The following GNL1 variants were observed in gnomAD, a reference collection of about 807,000 sequenced individuals.
GNL1 encodes G protein nucleolar 1, also known as guanine nucleotide-binding protein-like 1.
Under a neutral mutation model 75.2 loss-of-function variants are expected in GNL1, and 21 were observed. The ratio of observed to expected loss-of-function variants is 0.28; its 90% CI spans 0.20 to 0.40. The LOEUF is 0.40. Among genes scored for constraint, GNL1 ranks in the 10% least tolerant of loss-of-function variants. The probability of loss-of-function intolerance (pLI) is 1.00; values close to 1 mark genes in which losing one functional copy is unlikely to be tolerated. For synonymous variants in GNL1, 287 were observed against 303.4 expected (o/e 0.95, Z 0.56); for missense variants, 579 against 775.0 (o/e 0.75, Z 3.00).
chr6:30,543,343 A>T lies in GNL1; in HGVS notation c.*2729T>A. ...CTGTACCACCCTTCTCCCAGAACTTATCACACTTTTTTTTTGTAATTGTGT... is the reference window on the plus strand; with the variant it reads ...CTGTACCACCCTTCTCCCAGAACTTTTCACACTTTTTTTTTGTAATTGTGT... On this transcript the variant is annotated 3_prime_UTR_variant, in exon 12 of 12. Coordinates refer to ENST00000376621, the MANE Select transcript of GNL1 (RefSeq NM_005275.5). 6.6e-6 allele frequency: 1 copy of T among 152,138 alleles called. No homozygotes were observed. Among genetic ancestry groups the T allele is most frequent in the East Asian group, 1.9e-4 (1 of 5,202 alleles). The allele number at this position is 152,138 out of a possible 1,614,324, so 9.4% of individuals were successfully genotyped here. A position where few individuals can be genotyped will look rare whatever the true frequency, so the allele number is the denominator to read the frequency against.
In GNL1 at chr6:30,552,361, C is replaced by CGT. The variant is rs1019914747; in HGVS notation, c.1099+105_1099+106insAC. The CGT allele has an allele frequency of 2.2e-6, 2 of 927,642 alleles. No homozygotes were observed. Among genetic ancestry groups the CGT allele is most frequent in the African/African-American group, 3.3e-5 (2 of 60,528 alleles). The allele number at this position is 927,642 out of a possible 1,614,324, so 57.5% of individuals were successfully genotyped here. On this transcript the variant is annotated intron_variant, in intron 8 of 11. Coordinates refer to ENST00000376621, the MANE Select transcript of GNL1 (RefSeq NM_005275.5). The surrounding 1 kb of genome is among the most constrained non-coding windows in gnomAD (Gnocchi z 4.5). ...ACCGCCACTGGCAGAGATCACCCCT[C>CGT]AGACACCCTGGGGCCTAATGAGACC...
Position 30,555,169 on chromosome 6 carries a change from C to T in GNL1, c.262G>A (p.Asp88Asn). The T allele has an allele frequency of 6.2e-7, 1 of 1,613,048 alleles. No individual in the cohort carries two copies. The highest frequency in any genetic ancestry group is 1.1e-5 in the South Asian group (1 of 91,082). The change falls in exon 3 of 12, where the codon GAC (aspartate) becomes AAC (asparagine). Residue 88 changes from aspartate (D) to asparagine (N), a missense_variant. Transcript: ENST00000376621. The surrounding 1 kb of genome is among the most constrained non-coding windows in gnomAD (Gnocchi z 4.3). ...CTCCTCTCTACCTCCTCCCTGCTGT[C>T]TCTCTCAAAATGCAGTCGGTATCTA... is the stretch of plus-strand genomic sequence containing the variant. ...PNRYRLHFER[D>N]SREEVERRKR... is the part of the protein sequence containing the mutation.
At position 30,555,929 on chromosome 6, in the gene GNL1, G is replaced by A. The variant is rs1582520274; in HGVS notation, c.73+202C>T. On this transcript the variant is annotated intron_variant, in intron 1 of 11. Transcript: ENST00000376621. The surrounding 1 kb of genome is among the most constrained non-coding windows in gnomAD (Gnocchi z 4.3). ...GGACGGCGCCCCGTGCTAGCTGGAG[G>A]GATTCCCCTCCCCCAACTCTCCATC... The A allele has an allele frequency of 7.5e-6, 6 of 803,094 alleles. No individual in the cohort carries two copies. Among genetic ancestry groups the A allele is most frequent in the South Asian group, 1.7e-5 (1 of 59,270 alleles). 49.7% of individuals were successfully genotyped at this position (803,094 alleles called of 1,614,324 possible).
Position 30,555,573 on chromosome 6 carries a change from C to T in GNL1, c.221G>A (p.Arg74Gln). The T allele has an allele frequency of 6.2e-7, 1 of 1,613,742 alleles. No individual in the cohort carries two copies. The highest frequency in any genetic ancestry group is 8.5e-7 in the Non-Finnish European group (1 of 1,179,884). The change falls in exon 2 of 12, where the codon CGA becomes CAA. Residue 74 changes from arginine (R) to glutamine (Q), a missense_variant. Physicochemically the swap from Arg to Gln is conservative, Grantham distance 43. Transcript: ENST00000376621. This position sits in a 1 kb window ranked among gnomAD's most constrained non-coding sequence, Gnocchi z 4.3. ...NQQPSQGLGP[R>Q]GYDPNRYRLH... ...CCCTCACCGATTTGGGTCGTAGCCT[C>T]GTGGACCCAGCCCCTGAGAAGGCTG...
At position 30,555,725 on chromosome 6, in the gene GNL1, G is replaced by A. The variant is rs373651955; in HGVS notation, c.74-5C>T. 7 of 1,612,800 alleles carry A rather than the reference G, an allele frequency of 4.3e-6. No homozygotes were observed. The highest frequency in any genetic ancestry group is 2.5e-6 in the Non-Finnish European group (3 of 1,179,712). On this transcript the variant is annotated splice_region_variant and splice_polypyrimidine_tract_variant and intron_variant, in intron 1 of 11. Coordinates refer to ENST00000376621, the MANE Select transcript of GNL1 (RefSeq NM_005275.5). This position sits in a 1 kb window ranked among gnomAD's most constrained non-coding sequence, Gnocchi z 4.3. Reference sequence around the variant, plus strand: ...AGCGCAGCCCATCTTGAAGCCCTGCGGGGAGGGGCCGGTGACGCCAGTGCT... The same window carrying A: ...AGCGCAGCCCATCTTGAAGCCCTGCAGGGAGGGGCCGGTGACGCCAGTGCT...
chr6:30,546,098 C>G lies in GNL1; in HGVS notation c.1798G>C (p.Ala600Pro). Reference sequence around the variant, plus strand: ...CAGCACTCATCCTCACCCAGCAGGGCATAAGGGTTTCGGCCAGCCAGGCTG... The same window carrying G: ...CAGCACTCATCCTCACCCAGCAGGGGATAAGGGTTTCGGCCAGCCAGGCTG... The part of the protein sequence containing the change: ...GSSLAGRNPY[A>P]LLGEDEC The change falls in exon 12 of 12, where the codon GCC (alanine) becomes CCC (proline). Residue 600 changes from alanine (A) to proline (P), a missense_variant. Physicochemically the swap from Ala to Pro is conservative, Grantham distance 27. Transcript: ENST00000376621. This position sits in a 1 kb window ranked among gnomAD's most constrained non-coding sequence, Gnocchi z 5.1. The G allele has an allele frequency of 2.5e-6, 4 of 1,586,838 alleles. No homozygotes were observed. The South Asian group carries it at 4.6e-5, about 18-fold the overall frequency.
In GNL1 at chr6:30,553,152, C is replaced by T; in HGVS notation, c.836G>A (p.Arg279Lys). The change falls in exon 7 of 12, where the codon AGA becomes AAA. Residue 279 changes from arginine to lysine, a missense_variant. Arg to Lys is a conservative substitution (Grantham distance 26). Coordinates refer to ENST00000376621, the MANE Select transcript of GNL1 (RefSeq NM_005275.5). ...TGGCCCCAGGGCCCGAGTCCATCCTCTCCCCCGCCTCCGACTCTTCTTCAA... is the reference window on the plus strand; with the variant it reads ...TGGCCCCAGGGCCCGAGTCCATCCTTTCCCCCGCCTCCGACTCTTCTTCAA... ...SVLKKSRRRG[R>K]GWTRALGPEQ... 6.2e-7 allele frequency: 1 copy of T among 1,613,724 alleles called. No individual in the cohort carries two copies. Among genetic ancestry groups the T allele is most frequent in the Non-Finnish European group, 8.5e-7 (1 of 1,179,602 alleles).
Position 30,543,127 on chromosome 6 carries a change from C to G in GNL1, c.*2945G>C, listed in dbSNP as rs936774467. Reference sequence around the variant, plus strand: ...GACGCTTCCCCTGATTCACCAAGACCAGCTTAACTGCCCCTACTGGCTGTT... The same window carrying G: ...GACGCTTCCCCTGATTCACCAAGACGAGCTTAACTGCCCCTACTGGCTGTT... On this transcript the variant is annotated 3_prime_UTR_variant, in exon 12 of 12. Transcript: ENST00000376621. 1 of 152,306 alleles carries G rather than the reference C, an allele frequency of 6.6e-6. No homozygotes were observed. Among genetic ancestry groups the G allele is most frequent in the Non-Finnish European group, 1.5e-5 (1 of 68,066 alleles). 9.4% of individuals were successfully genotyped at this position (152,306 alleles called of 1,614,324 possible). A position where few individuals can be genotyped will look rare whatever the true frequency, so the allele number is the denominator to read the frequency against.
rs1799512829 is a variant in GNL1 at position 30,547,296 on chromosome 6, T to C, written c.1279-22A>G. 1 of 1,583,306 alleles carries C rather than the reference T, an allele frequency of 6.3e-7. No homozygotes were observed. The highest frequency in any genetic ancestry group is 1.4e-5 in the African/African-American group (1 of 73,926). On this transcript the variant is annotated intron_variant, in intron 9 of 11. Coordinates refer to ENST00000376621, the MANE Select transcript of GNL1 (RefSeq NM_005275.5). This position sits in a 1 kb window ranked among gnomAD's most constrained non-coding sequence, Gnocchi z 5.5. ...GAACCTGAGGGAAATGAGCACTCAG[T>C]ACTTTCCTCAATGTCCCACCTTCTC... is the stretch of plus-strand genomic sequence containing the variant.
At position 30,541,614 on chromosome 6, in the gene GNL1, TG is replaced by T. The variant is rs1176171492; in HGVS notation, c.*4457del. On this transcript the variant is annotated 3_prime_UTR_variant, in exon 12 of 12. Coordinates refer to ENST00000376621, the MANE Select transcript of GNL1 (RefSeq NM_005275.5). ...CGCAAAGCAGCCTCTCAGCCTGCAG[TG>T]ATGCTACGACACCGGCAGATGGCGC... is the stretch of plus-strand genomic sequence containing the variant. The T allele has an allele frequency of 2.0e-5, 3 of 152,314 alleles. No individual in the cohort carries two copies. Among genetic ancestry groups the T allele is most frequent in the Non-Finnish European group, 4.4e-5 (3 of 68,032 alleles). The allele number at this position is 152,314 out of a possible 1,614,324, so 9.4% of individuals were successfully genotyped here.
intron 8 of GNL1, among the ~76,000 whole-genome samples, chr6:30,551,529 T>TGAA (rs770009284): frequency 3.9e-5 from 6 of 152,126 alleles, no homozygotes; most frequent in Non-Finnish European, 8.8e-5. Flanking sequence ...CCACCCTAAA[T>TGAA]GAAGACGGGC....
In GNL1 at chr6:30,556,162, C is replaced by T. The variant is rs1217557599; in HGVS notation, c.42G>A (p.Lys14=). 1.2e-6 allele frequency: 2 copies of T among 1,605,068 alleles called. No individual in the cohort carries two copies. Among genetic ancestry groups the T allele is most frequent in the Non-Finnish European group, 1.7e-6 (2 of 1,178,948 alleles). ...KKPFSVKQKK[K]QLQDKRERKR... is the part of the protein sequence containing the mutation. Reference sequence around the variant, plus strand: ...TCCGCTCCCGTTTGTCCTGCAACTGCTTCTTCTTCTGCTTCACGCTGAATG... The same window carrying T: ...TCCGCTCCCGTTTGTCCTGCAACTGTTTCTTCTTCTGCTTCACGCTGAATG... The change falls in exon 1 of 12, where the codon AAG becomes AAA. Residue 14 remains lysine, a synonymous_variant. Transcript: ENST00000376621. This position sits in a 1 kb window ranked among gnomAD's most constrained non-coding sequence, Gnocchi z 5.7.
chr6:30,546,211 C>T lies in GNL1; in HGVS notation c.1685G>A (p.Ser562Asn). The T allele has an allele frequency of 6.5e-7, 1 of 1,545,122 alleles. No homozygotes were observed. Among genetic ancestry groups the T allele is most frequent in the Non-Finnish European group, 8.8e-7 (1 of 1,133,764 alleles). Residue 562 changes from serine (S) to asparagine (N), a missense_variant, in exon 12 of 12, where the codon AGC becomes AAC. Coordinates refer to ENST00000376621, the MANE Select transcript of GNL1 (RefSeq NM_005275.5). This position sits in a 1 kb window ranked among gnomAD's most constrained non-coding sequence, Gnocchi z 5.1. ...EEEEEEEELS[S>N]SCEEEGEEDR... Reference sequence around the variant, plus strand: ...CTCCTCTCCCTCCTCCTCACAGGAGCTGCTCAGCTCTTCCTCTTCCTCCTC... The same window carrying T: ...CTCCTCTCCCTCCTCCTCACAGGAGTTGCTCAGCTCTTCCTCTTCCTCCTC...
chr6:30,556,121 C>G lies in GNL1; in HGVS notation c.73+10G>C. On this transcript the variant is annotated intron_variant, in intron 1 of 11. Transcript: ENST00000376621. The surrounding 1 kb of genome is among the most constrained non-coding windows in gnomAD (Gnocchi z 5.7). ...CGAGCCCCGCCCCCTCCTCCCGCTC[C>G]CGCACTGACCTCTCTTCCGCTCCCG... The G allele has an allele frequency of 8.1e-6, 13 of 1,599,984 alleles. No individual in the cohort carries two copies. Among genetic ancestry groups the G allele is most frequent in the Non-Finnish European group, 1.1e-5 (13 of 1,176,468 alleles).
At chr6:30,554,175 C>T (rs567577709) in intron 5 of GNL1, among the ~76,000 whole-genome samples, 2 of 152,196 alleles carry the variant, frequency 1.3e-5, no homozygotes, top group Non-Finnish European at 2.9e-5. Context: ...ACAGCCTTAA[C>T]TACTACTCTA....
Position 30,555,542 on chromosome 6 carries a change from C to A in GNL1, c.239+13G>T, listed in dbSNP as rs1196447570. 4 of 1,610,044 alleles carry A rather than the reference C, an allele frequency of 2.5e-6. No homozygotes were observed. The African/African-American group carries it at 5.3e-5, about 22-fold the overall frequency. On this transcript the variant is annotated intron_variant, in intron 2 of 11. Transcript: ENST00000376621. This position sits in a 1 kb window ranked among gnomAD's most constrained non-coding sequence, Gnocchi z 4.3. ...GCGGGAAAGCCGGGACCAGCGCCCCCTCCCACCCTCACCGATTTGGGTCGT... is the reference window on the plus strand; with the variant it reads ...GCGGGAAAGCCGGGACCAGCGCCCCATCCCACCCTCACCGATTTGGGTCGT...
Position 30,555,052 on chromosome 6 carries a change from C to T in GNL1, c.376+3G>A, listed in dbSNP as rs1179477232. 3.7e-6 allele frequency: 6 copies of T among 1,613,046 alleles called. No homozygotes were observed. The East Asian group carries it at 1.3e-4, about 36-fold the overall frequency. Reference sequence around the variant, plus strand: ...GCCCAATGCCTGTCTTGCTCTCACTCACCTGAGCCAGGCTGATACACCTCC... The same window carrying T: ...GCCCAATGCCTGTCTTGCTCTCACTTACCTGAGCCAGGCTGATACACCTCC... On this transcript the variant is annotated splice_donor_region_variant and intron_variant, in intron 3 of 11. Transcript: ENST00000376621. The surrounding 1 kb of genome is among the most constrained non-coding windows in gnomAD (Gnocchi z 4.3).
rs1799563341 is a variant in GNL1 at position 30,548,256 on chromosome 6, T to TCAC, written c.1100-729_1100-727dup. On this transcript the variant is annotated intron_variant, in intron 8 of 11. Transcript: ENST00000376621. This position sits in a 1 kb window ranked among gnomAD's most constrained non-coding sequence, Gnocchi z 4.2. ...TGGGGCTCACTGCCACTCTGCTCAC[T>TCAC]CACCACCACCAGTTTTTGTGTTTCT... 6.6e-6 allele frequency among the ~76,000 whole-genome samples: 1 copy of TCAC among 152,106 alleles called. No individual in the cohort carries two copies. The highest frequency in any genetic ancestry group is 1.9e-4 in the East Asian group (1 of 5,194).
Position 30,552,990 on chromosome 6 carries a change from T to C in GNL1, c.904+94A>G. ...CCTGGCCTCTTGCACATATCCACCA[T>C]AGAGGGGTTGGCTTCAGGAAAGGTG... On this transcript the variant is annotated intron_variant, in intron 7 of 11. Coordinates refer to ENST00000376621, the MANE Select transcript of GNL1 (RefSeq NM_005275.5). The surrounding 1 kb of genome is among the most constrained non-coding windows in gnomAD (Gnocchi z 4.5). 1.2e-6 allele frequency: 1 copy of C among 868,704 alleles called. No homozygotes were observed. Among genetic ancestry groups the C allele is most frequent in the South Asian group, 1.5e-5 (1 of 66,064 alleles). 53.8% of individuals were successfully genotyped at this position (868,704 alleles called of 1,614,324 possible).
Sources: gnomAD v4.1 joint callset for allele counts (sites outside exome capture counted in the v4.1 genomes callset) on GRCh38, gnomAD v4.1.1 for gene constraint, Gnocchi (gnomAD v3.1) non-coding constraint, MANE v1.5 for transcripts, NCBI Gene and HGNC (gene_info 2026-07-23, HGNC 2026-07-21) for gene names.